Variants in SNX13 observed in about 807,000 individuals in gnomAD.
SNX13 encodes the protein sorting nexin 13.
SNX13 carries 45 observed loss-of-function variants against 133.6 expected under a neutral mutation model. The observed-to-expected ratio is 0.34, with a 90% CI of 0.27 to 0.43. The LOEUF (loss-of-function observed/expected upper bound fraction) is 0.43. Ranked by LOEUF, SNX13 falls within the 20% of genes least tolerant of loss-of-function variation. The pLI, the probability that SNX13 is intolerant of heterozygous loss-of-function variation, is 1.00. For synonymous variants in SNX13, 414 were observed against 373.9 expected (o/e 1.11, Z -1.24); for missense variants, 1,032 against 1,145.1 (o/e 0.90, Z 1.43).
chr7:17,938,928 A>T (rs1402431057), intron 1 of SNX13, among the ~76,000 whole-genome samples: 4 of 152,238 alleles, frequency 2.6e-5, no homozygotes, highest in African/African-American at 7.2e-5. Context: ...TGCTAATCAC[A>T]ACACAAACTT....
chr7:17,880,185 C>T (rs1795182654), intron 5 of SNX13: 2 of 152,164 alleles, frequency 1.3e-5, no homozygotes, highest in Admixed American at 6.5e-5. Context: ...CCTATGGTTT[C>T]CAGTTTCTTT....
chr7:17,921,381 A>G lies in SNX13; in HGVS notation c.12+18903T>C, dbSNP rs188534691. On this transcript the variant is annotated intron_variant, in intron 1 of 25. Transcript: ENST00000428135. ...TTCTTGCTTTTTCCTCCCTTATACA[A>G]TTTCCCAGTGATTCCATCCCTCCTA... Among the ~76,000 whole-genome samples the G allele has an allele frequency of 5.9e-5, 9 of 152,146 alleles. No individual in the cohort carries two copies. In the East Asian group the frequency reaches 1.7e-3, roughly 29 times the overall value.
chr7:17,894,083 A>G (rs769688541), intron 2 of SNX13, among the ~76,000 whole-genome samples: 13 of 151,360 alleles, frequency 8.6e-5, no homozygotes, highest in Non-Finnish European at 1.6e-4. Context: ...CAGGTGGCTC[A>G]TCTGAGGTCA....
At chr7:17,927,974 T>TC (rs1249850678) in intron 1 of SNX13, among the ~76,000 whole-genome samples, 1 of 152,052 alleles carries the variant, frequency 6.6e-6, no homozygotes, top group African/African-American at 2.4e-5. Context: ...TTCACAAATG[T>TC]CCCCCCATCC....
intron 1 of SNX13, among the ~76,000 whole-genome samples, chr7:17,940,002 T>C: frequency 6.6e-6 from 1 of 151,854 alleles, no homozygotes; most frequent in East Asian, 1.9e-4. Flanking sequence ...AAGGGAGCGA[T>C]GAGTTAGAAG....
At chr7:17,873,357 A>C (rs1037465747) in intron 8 of SNX13, among the ~76,000 whole-genome samples, 171 bp downstream of exon 8, 1 of 152,236 alleles carries the variant, frequency 6.6e-6, no homozygotes, top group African/African-American at 2.4e-5. Flanking sequence ...ATGTTTTAAA[A>C]ATTTCTTAGT....
intron 13 of SNX13, among the ~76,000 whole-genome samples, chr7:17,839,142 T>A (rs1789546236): frequency 6.7e-6 from 1 of 149,532 alleles, no homozygotes; most frequent in Non-Finnish European, 1.5e-5. Context: ...AAATAATCTA[T>A]ACAATCATAT....
intron 5 of SNX13, chr7:17,879,800 C>T (rs193275350): frequency 6.6e-6 from 1 of 152,250 alleles, no homozygotes; most frequent in African/African-American, 2.4e-5. Flanking sequence ...CAAAAGACTC[C>T]CCCAAATGAT....
chr7:17,800,525 T>C (rs1393338515), intron 22 of SNX13, among the ~76,000 whole-genome samples: 1 of 151,788 alleles, frequency 6.6e-6, no homozygotes, highest in Admixed American at 6.6e-5. Flanking sequence ...AACTTAAATG[T>C]TGTTACAGTA....
At chr7:17,884,443 T>C (rs1329208394) in intron 5 of SNX13, among the ~76,000 whole-genome samples, 1 of 152,352 alleles carries the variant, frequency 6.6e-6, no homozygotes, top group East Asian at 1.9e-4. Context: ...CTATTCTTTG[T>C]GTTCTTATGA....
In SNX13 at chr7:17,900,546, T is replaced by C. The variant is rs946950537; in HGVS notation, c.13-3100A>G. Among the ~76,000 whole-genome samples, 4 of 152,190 alleles carry C rather than the reference T, an allele frequency of 2.6e-5. No homozygotes were observed. In the East Asian group the frequency reaches 5.8e-4, roughly 22 times the overall value. The stretch of plus-strand genomic sequence containing the variant: ...CCACAAGATGAAGTCCTTCCCATTC[T>C]TCCCTCCCCTTTCCACAAGTAGAGG... On this transcript the variant is annotated intron_variant, in intron 1 of 25. Coordinates refer to ENST00000428135, the MANE Select transcript of SNX13 (RefSeq NM_015132.5).
intron 9 of SNX13, among the ~76,000 whole-genome samples, chr7:17,862,575 T>A (rs1478652680): frequency 1.3e-5 from 2 of 152,220 alleles, no homozygotes; most frequent in Non-Finnish European, 2.9e-5. Context: ...ATTTTAGTTA[T>A]CTTTTTCATG....
At chr7:17,939,323 G>A (rs561122892) in intron 1 of SNX13, among the ~76,000 whole-genome samples, 3 of 152,276 alleles carry the variant, frequency 2.0e-5, no homozygotes, top group African/African-American at 7.2e-5. Context: ...CCTCACGTCA[G>A]GATCCTCACA....
chr7:17,890,360 T>C lies in SNX13; in HGVS notation c.440+3A>G. 1.2e-6 allele frequency: 2 copies of C among 1,608,618 alleles called. No homozygotes were observed. Among genetic ancestry groups the C allele is most frequent in the South Asian group, 2.2e-5 (2 of 89,970 alleles). ...CTGCATAAATACAATGTCGTGTCCT[T>C]ACCTAGTAGCAAACTGAATGAGTGC... On this transcript the variant is annotated splice_donor_region_variant and intron_variant, in intron 5 of 25. Coordinates refer to ENST00000428135, the MANE Select transcript of SNX13 (RefSeq NM_015132.5).
intron 8 of SNX13, among the ~76,000 whole-genome samples, chr7:17,869,033 C>T (rs776926256): frequency 1.3e-5 from 2 of 151,952 alleles, no homozygotes; most frequent in Non-Finnish European, 2.9e-5. Flanking sequence ...ATATGTTAAT[C>T]GATTCAACAT....
intron 1 of SNX13, among the ~76,000 whole-genome samples, chr7:17,938,873 A>C (rs1384066924): frequency 2.0e-5 from 3 of 152,212 alleles, no homozygotes; most frequent in Non-Finnish European, 2.9e-5. Flanking sequence ...CTTAAGGTAA[A>C]AATGAAACTT....
rs561128920 is a variant in SNX13 at position 17,810,997 on chromosome 7, C to T, written c.2064+3837G>A. ...CTCAATAAACTAGGTATCAATGGAA[C>T]GTATCTCAAAATAATAAGAGCTATT... is the stretch of plus-strand genomic sequence containing the variant. On this transcript the variant is annotated intron_variant, in intron 20 of 25. Transcript: ENST00000428135. Among the ~76,000 whole-genome samples the T allele has an allele frequency of 5.3e-5, 8 of 152,230 alleles. No individual in the cohort carries two copies. In the South Asian group the frequency reaches 1.5e-3, roughly 28 times the overall value.
rs995719112 is a variant in SNX13 at position 17,791,753 on chromosome 7, T to C, written c.*2292A>G. On this transcript the variant is annotated 3_prime_UTR_variant, in exon 26 of 26. Coordinates refer to ENST00000428135, the MANE Select transcript of SNX13 (RefSeq NM_015132.5). Reference sequence around the variant, plus strand: ...AACATAGTACACTGTACTTGACTTATGGTTAAATATTTTACACACAGCTTG... The same window carrying C: ...AACATAGTACACTGTACTTGACTTACGGTTAAATATTTTACACACAGCTTG... 6.6e-6 allele frequency: 1 copy of C among 152,090 alleles called. No homozygotes were observed. The highest frequency in any genetic ancestry group is 1.5e-5 in the Non-Finnish European group (1 of 67,960). 9.4% of individuals were successfully genotyped at this position (152,090 alleles called of 1,614,324 possible).
chr7:17,826,502 G>A (rs926373346), intron 16 of SNX13, among the ~76,000 whole-genome samples: 7 of 151,878 alleles, frequency 4.6e-5, no homozygotes, highest in African/African-American at 1.7e-4. Flanking sequence ...TGTTAATATA[G>A]AAATAATTTT....
Sources: allele counts gnomAD v4.1 joint callset (sites outside exome capture counted in the v4.1 genomes callset), GRCh38; gene constraint gnomAD v4.1.1; transcripts MANE v1.5; gene names NCBI Gene and HGNC (gene_info 2026-07-23, HGNC 2026-07-21).